Variants in AGBL2 observed in about 807,000 individuals in gnomAD.
AGBL2 encodes cytosolic carboxypeptidase 2.
Under a neutral mutation model 103.0 loss-of-function variants are expected in AGBL2, and 87 were observed. The observed-to-expected ratio is 0.84, with a 90% CI of 0.71 to 1.01. The LOEUF (loss-of-function observed/expected upper bound fraction) is 1.01, where lower values mean the gene tolerates loss of function less well. AGBL2 is among the 50% of genes least tolerant of loss of function. The pLI is 0.00. For missense variants in AGBL2, 904 were observed against 1,023.5 expected, an observed-to-expected ratio of 0.88 and a Z score of 1.59; for synonymous variants, 335 against 356.7, an observed-to-expected ratio of 0.94 and a Z score of 0.69.
Position 47,668,290 on chromosome 11 carries a change from C to T in AGBL2, c.2214+551G>A, listed in dbSNP as rs192522419. Among the ~76,000 whole-genome samples, 9 of 146,130 alleles carry T rather than the reference C, an allele frequency of 6.2e-5. No homozygotes were observed. In the East Asian group the frequency reaches 6.2e-4, roughly 10 times the overall value. ...TTGGGAGGCCAAGGCGGGCAGATCA[C>T]GAGGTCAGGAGTTTGAGACCAGGAT... On this transcript the variant is annotated intron_variant, in intron 15 of 18. Transcript: ENST00000525123.
chr11:47,672,987 C>A (rs748528466), intron 14 of AGBL2, among the ~76,000 whole-genome samples: 7 of 152,096 alleles, frequency 4.6e-5, no homozygotes, highest in Non-Finnish European at 2.9e-5. Flanking sequence ...GAGACATAAC[C>A]TTTTGGGGGC....
intron 14 of AGBL2, among the ~76,000 whole-genome samples, chr11:47,669,162 G>A (rs1018593267): frequency 6.6e-5 from 10 of 152,028 alleles, no homozygotes; most frequent in Non-Finnish European, 8.8e-5. Context: ...TGACCTCCCC[G>A]GCTCAAGAGA....
At chr11:47,710,114 C>G in intron 4 of AGBL2, 1 of 388,452 alleles carries the variant, frequency 2.6e-6, no homozygotes, top group Non-Finnish European at 4.8e-6. Context: ...GTCTCAAACT[C>G]CTAACCTCAA....
intron 8 of AGBL2, among the ~76,000 whole-genome samples, chr11:47,694,548 C>T (rs1358599178): frequency 6.6e-6 from 1 of 152,148 alleles, no homozygotes; most frequent in African/African-American, 2.4e-5. Context: ...TTTGCTATCC[C>T]TTGCCCCAGG....
chr11:47,712,048 A>C (rs2097537771), intron 3 of AGBL2, among the ~76,000 whole-genome samples: 1 of 152,218 alleles, frequency 6.6e-6, no homozygotes, highest in Non-Finnish European at 1.5e-5. Flanking sequence ...ACTCCGGCCA[A>C]GGCAAAAAAC....
chr11:47,677,881 G>C (rs111925938), intron 13 of AGBL2, among the ~76,000 whole-genome samples: 1 of 152,106 alleles, frequency 6.6e-6, no homozygotes, highest in Non-Finnish European at 1.5e-5. Flanking sequence ...TTACATGAGC[G>C]GGAGGAACAA....
intron 11 of AGBL2, among the ~76,000 whole-genome samples, chr11:47,682,762 G>A (rs1005329632): frequency 5.3e-5 from 8 of 152,020 alleles, no homozygotes; most frequent in African/African-American, 1.9e-4. Flanking sequence ...CCACCCTATC[G>A]TGCTAAAAAG....
chr11:47,696,629 C>T (rs982607337), intron 8 of AGBL2, among the ~76,000 whole-genome samples: 6 of 152,026 alleles, frequency 3.9e-5, no homozygotes, highest in African/African-American at 1.2e-4. Context: ...GTATTTAAAC[C>T]TTTTATTTCT....
chr11:47,666,955 C>T lies in AGBL2; in HGVS notation c.2448+1G>A. ...CAAAGAGTCAAAAACAAAAATACTACCTCATTTAACCTTGGGTTTTCATTT... is the reference window on the plus strand; with the variant it reads ...CAAAGAGTCAAAAACAAAAATACTATCTCATTTAACCTTGGGTTTTCATTT... On this transcript the variant is annotated splice_donor_variant, in intron 17 of 18. Coordinates refer to ENST00000525123, the MANE Select transcript of AGBL2 (RefSeq NM_024783.4). LOFTEE classifies it high-confidence loss of function. 1 of 1,594,430 alleles carries T rather than the reference C, an allele frequency of 6.3e-7. No individual in the cohort carries two copies. Among genetic ancestry groups the T allele is most frequent in the Non-Finnish European group, 8.6e-7 (1 of 1,162,904 alleles).
intron 14 of AGBL2, among the ~76,000 whole-genome samples, chr11:47,676,813 CAAAA>C (rs566335901): frequency 4.3e-5 from 3 of 69,818 alleles, no homozygotes; most frequent in Admixed American, 1.6e-4. Context: ...GCCTCCATCT[CAAAA>C]AAAAAAAAAA....
chr11:47,711,372 T>C (rs578204142), intron 3 of AGBL2, among the ~76,000 whole-genome samples: 2 of 152,302 alleles, frequency 1.3e-5, no homozygotes, highest in Admixed American at 6.5e-5. Flanking sequence ...GGGCAACTAT[T>C]TGCATAAGAC....
At chr11:47,667,757 T>A in intron 15 of AGBL2, 61 bp from the exon 16 acceptor site, 1 of 1,568,908 alleles carries the variant, frequency 6.4e-7, no homozygotes. Flanking sequence ...CACCCACATG[T>A]GGCACTCTTC....
chr11:47,703,214 C>T (rs1458999982), intron 7 of AGBL2, among the ~76,000 whole-genome samples: 1 of 151,894 alleles, frequency 6.6e-6, no homozygotes, highest in African/African-American at 2.4e-5. Flanking sequence ...GGTAAAAATA[C>T]CACACAACCA....
chr11:47,670,972 C>T (rs745545754), intron 14 of AGBL2, among the ~76,000 whole-genome samples: 3 of 150,340 alleles, frequency 2.0e-5, no homozygotes, highest in Admixed American at 6.7e-5. Context: ...CTAGCCTGGG[C>T]GACAGAGCGA....
intron 8 of AGBL2, among the ~76,000 whole-genome samples, 163 bp downstream of exon 8, chr11:47,699,283 C>A (rs1349111146): frequency 6.6e-6 from 1 of 152,088 alleles, no homozygotes; most frequent in Admixed American, 6.6e-5. Flanking sequence ...CGAAATTTTG[C>A]AGCAGACTGG....
At chr11:47,692,536 C>T (rs931920089) in intron 8 of AGBL2, among the ~76,000 whole-genome samples, 8 of 150,212 alleles carry the variant, frequency 5.3e-5, no homozygotes, top group Admixed American at 1.3e-4. Context: ...CTCAGCCTCC[C>T]GAGTAGCTGG....
intron 4 of AGBL2, among the ~76,000 whole-genome samples, chr11:47,707,731 C>A (rs2153805417): frequency 6.6e-6 from 1 of 152,212 alleles, no homozygotes; most frequent in South Asian, 2.1e-4. Context: ...CCTCCATACC[C>A]TAACCTACAC....
chr11:47,706,025 G>T, intron 4 of AGBL2, 108 bp from the exon 5 acceptor site: 1 of 841,684 alleles, frequency 1.2e-6, no homozygotes, highest in Non-Finnish European at 2.0e-6. Flanking sequence ...CTGGACCCCT[G>T]CATTTCTATC....
intron 13 of AGBL2, among the ~76,000 whole-genome samples, chr11:47,678,343 A>ATTATTTTTTTTTTTTTTT (rs2097385523): frequency 7.7e-4 from 90 of 116,758 alleles, no homozygotes; most frequent in South Asian, 2.9e-3. Flanking sequence ...TTATTATTTT[A>ATTATTTTTTTTTTTTTTT]TTTTTTTTGA....
Sources: allele counts gnomAD v4.1 joint callset (sites outside exome capture counted in the v4.1 genomes callset), GRCh38; gene constraint gnomAD v4.1.1; transcripts MANE v1.5; gene names NCBI Gene and HGNC (gene_info 2026-07-23, HGNC 2026-07-21).